Variants in FOXN3 observed in about 807,000 individuals in gnomAD.
FOXN3 encodes forkhead box protein N3.
FOXN3 carries 7 observed loss-of-function variants against 38.4 expected under a neutral mutation model. The ratio of observed to expected loss-of-function variants is 0.18; its 90% confidence interval spans 0.10 to 0.34. FOXN3 has a LOEUF of 0.34. FOXN3 is among the 10% of genes least tolerant of loss of function. The pLI is 1.00. For missense variants in FOXN3, 456 were observed against 613.4 expected (o/e 0.74, Z 2.71); for synonymous variants, 230 against 242.2 (o/e 0.95, Z 0.47).
rs142653450 is a variant in FOXN3, at chr14:89,593,800, G to T, written c.-15+25228C>A. On this transcript the variant is annotated intron_variant, in intron 1 of 6. Coordinates refer to the FOXN3 transcript ENST00000345097. ...ATTATTTTATTTTTTGTAGAGATGG[G>T]GTTTCCATGTTGCCCAGGTTGGTCT... 4.7e-3 allele frequency among the ~76,000 whole-genome samples: 721 copies of T among 152,234 alleles called. 7 individuals carry two copies. The highest frequency in any genetic ancestry group is 0.02 in the South Asian group (98 of 4,818).
intron 1 of FOXN3, among the ~76,000 whole-genome samples, chr14:89,516,864 CAG>C (rs1894216139): frequency 6.6e-6 from 1 of 152,136 alleles, no homozygotes; most frequent in Non-Finnish European, 1.5e-5. Flanking sequence ...GATCTAGCCC[CAG>C]TAGCTTTTAA....
chr14:89,377,501 C>T (rs146872952), intron 2 of FOXN3, among the ~76,000 whole-genome samples: 1 of 152,104 alleles, frequency 6.6e-6, no homozygotes, highest in African/African-American at 2.4e-5. Context: ...GGTGAGGTGC[C>T]ATGATGCCTA....
intron 1 of FOXN3, among the ~76,000 whole-genome samples, chr14:89,423,657 G>A (rs571573700): frequency 6.6e-6 from 1 of 152,198 alleles, no homozygotes; most frequent in South Asian, 2.1e-4. Context: ...ATGAAAAGAC[G>A]CTCAAAACTG....
chr14:89,357,559 G>A (rs1326087347), intron 2 of FOXN3, among the ~76,000 whole-genome samples: 1 of 151,814 alleles, frequency 6.6e-6, no homozygotes, highest in Non-Finnish European at 1.5e-5. Flanking sequence ...GGTGAGCCGA[G>A]ATCGTGCCAC....
intron 1 of FOXN3, among the ~76,000 whole-genome samples, chr14:89,498,954 TC>T (rs1203254436): frequency 1.3e-5 from 2 of 152,202 alleles, no homozygotes; most frequent in Non-Finnish European, 2.9e-5. Flanking sequence ...AGTCTGTGGC[TC>T]ACGATTTAGC....
intron 1 of FOXN3, among the ~76,000 whole-genome samples, chr14:89,583,632 C>G (rs1895788947): frequency 6.6e-6 from 1 of 152,204 alleles, no homozygotes; most frequent in Non-Finnish European, 1.5e-5. Flanking sequence ...ACCATCTCAT[C>G]TCACTACAAC....
intron 1 of FOXN3, among the ~76,000 whole-genome samples, chr14:89,524,395 A>AAAAAAAAAAAAAAAAAAAAAC (rs1894389793): frequency 1.0e-5 from 1 of 95,946 alleles, no homozygotes; most frequent in Non-Finnish European, 1.9e-5. Flanking sequence ...AAAAAAAAAA[A>AAAAAAAAAAAAAAAAAAAAAC]AAAAAAAAGA....
chr14:89,180,984 GCACAGACACACACTCACACAGT>G (rs1887658008), intron 4 of FOXN3, among the ~76,000 whole-genome samples, 178 bp from the exon 5 acceptor site: 3 of 146,756 alleles, frequency 2.0e-5, no homozygotes, highest in South Asian at 2.2e-4. Flanking sequence ...ACACAGACAT[GCACAGACACACACTCACACAGT>G]CATGCACGCG....
Position 89,288,691 on chromosome 14 carries a change from T to G in FOXN3, c.681-7677A>C, listed in dbSNP as rs1242492055. On this transcript the variant is annotated intron_variant, in intron 3 of 5. Coordinates refer to ENST00000557258, the MANE Select transcript of FOXN3 (RefSeq NM_005197.4). ...CTCTTTCTCTCTCTCTCTCTCTCTCTCTCTCTCTCTCTCTCTCTCTCTCTC... is the reference window on the plus strand; with the variant it reads ...CTCTTTCTCTCTCTCTCTCTCTCTCGCTCTCTCTCTCTCTCTCTCTCTCTC... 6.0e-4 allele frequency among the ~76,000 whole-genome samples: 62 copies of G among 103,396 alleles called. 1 individual carries two copies. Among genetic ancestry groups the G allele is most frequent in the African/African-American group, 1.7e-3 (33 of 19,748 alleles). 67.8% of individuals were successfully genotyped at this position (103,396 alleles called of 152,430 possible).
intron 1 of FOXN3, among the ~76,000 whole-genome samples, chr14:89,542,287 A>G (rs375761): frequency 0.78 from 119,347 of 152,142 alleles, 47,064 homozygotes; most frequent in Middle Eastern, 0.84. Context: ...TCCAGATGTC[A>G]GGATACCTGG....
chr14:89,600,691 T>A (rs1022748518), intron 1 of FOXN3, among the ~76,000 whole-genome samples: 2 of 152,206 alleles, frequency 1.3e-5, no homozygotes, highest in African/African-American at 2.4e-5. Context: ...ACTCAGTGGC[T>A]CATTGCATTA....
At chr14:89,187,239 C>T (rs1041013998) in intron 4 of FOXN3, among the ~76,000 whole-genome samples, 3 of 152,194 alleles carry the variant, frequency 2.0e-5, no homozygotes, top group African/African-American at 7.2e-5. Context: ...GAGGTGAAAA[C>T]AAGGGGCTAT....
rs1887091556 is a variant in FOXN3 at position 89,161,279 on chromosome 14, GTTATT to G, written c.*1130_*1134del. The G allele has an allele frequency of 6.6e-6, 1 of 150,440 alleles. No individual in the cohort carries two copies. Among genetic ancestry groups the G allele is most frequent in the African/African-American group, 2.5e-5 (1 of 40,776 alleles). The allele number at this position is 150,440 out of a possible 1,614,324, so 9.3% of individuals were successfully genotyped here. On this transcript the variant is annotated 3_prime_UTR_variant, in exon 6 of 6. Coordinates refer to ENST00000557258, the MANE Select transcript of FOXN3 (RefSeq NM_005197.4). ...ACTCCATTTTGAGGGCAGTATAGGA[GTTATT>G]TTATTTTTTGCCATGTTTTACTTTT...
At chr14:89,350,076 C>T (rs1888907849) in intron 3 of FOXN3, among the ~76,000 whole-genome samples, 6 of 152,122 alleles carry the variant, frequency 3.9e-5, no homozygotes, top group Admixed American at 3.9e-4. Context: ...GCTACTTACC[C>T]TCCCTTCCAA....
chr14:89,337,089 T>C (rs1888483157), intron 3 of FOXN3, among the ~76,000 whole-genome samples: 2 of 152,114 alleles, frequency 1.3e-5, no homozygotes, highest in Non-Finnish European at 1.5e-5. Context: ...GAGGGGTCCT[T>C]AGGTAGTCAG....
intron 3 of FOXN3, among the ~76,000 whole-genome samples, chr14:89,288,718 CTCTCTCTATATATATATATA>C (rs1886751457): frequency 1.1e-3 from 50 of 43,794 alleles, no homozygotes; most frequent in Middle Eastern, 0.011. Context: ...CTCTCTCTCT[CTCTCTCTATATATATATATA>C]TATATATATA....
At chr14:89,352,226 C>A (rs190384075) in intron 2 of FOXN3, among the ~76,000 whole-genome samples, 1 of 152,312 alleles carries the variant, frequency 6.6e-6, no homozygotes, top group East Asian at 1.9e-4. Context: ...TGTTTAAAGA[C>A]CTGAAAGATT....
intron 2 of FOXN3, among the ~76,000 whole-genome samples, chr14:89,366,068 G>A (rs1163246294): frequency 2.0e-5 from 3 of 152,028 alleles, no homozygotes; most frequent in African/African-American, 7.3e-5. Flanking sequence ...TGGCTAACAT[G>A]GTGAAACCCC....
At chr14:89,336,461 G>A (rs1010932061) in intron 3 of FOXN3, among the ~76,000 whole-genome samples, 3 of 152,090 alleles carry the variant, frequency 2.0e-5, no homozygotes, top group East Asian at 1.9e-4. Flanking sequence ...AAAGCTCATC[G>A]AAGAATGTTT....
Sources: allele counts gnomAD v4.1 joint callset (sites outside exome capture counted in the v4.1 genomes callset), GRCh38; gene constraint gnomAD v4.1.1; transcripts MANE v1.5; gene names NCBI Gene and HGNC (gene_info 2026-07-23, HGNC 2026-07-21).